The following SORCS1 variants were observed in gnomAD, a reference collection of about 807,000 sequenced individuals.
SORCS1 encodes the protein sortilin related VPS10 domain containing receptor 1, also known as VPS10 domain-containing receptor SorCS1.
In SORCS1, 60 loss-of-function variants were observed where a neutral mutation model predicts 146.1. That is an observed-to-expected ratio of 0.41 (90% CI 0.33 to 0.51). The LOEUF (loss-of-function observed/expected upper bound fraction) is 0.51, where lower values mean the gene tolerates loss of function less well. SORCS1 is among the 20% of genes least tolerant of loss of function. SORCS1 has a pLI of 0.21. For missense variants in SORCS1, 1,352 were observed against 1,487.6 expected (o/e 0.91, Z 1.50); for synonymous variants, 637 against 584.0 (o/e 1.09, Z -1.31).
chr10:106,910,764 C>T (rs1293002265), intron 2 of SORCS1, among the ~76,000 whole-genome samples: 1 of 152,194 alleles, frequency 6.6e-6, no homozygotes, highest in East Asian at 1.9e-4. Context: ...AGGATTCTAC[C>T]TGATCCTGGA....
At chr10:106,599,917 G>A (rs907587599) in intron 23 of SORCS1, among the ~76,000 whole-genome samples, 2 of 151,922 alleles carry the variant, frequency 1.3e-5, no homozygotes, top group Non-Finnish European at 2.9e-5. Context: ...GATTACAGGC[G>A]CCTGCCACCA....
chr10:107,171,631 C>T, the SORCS1 span, among the ~76,000 whole-genome samples: 1 of 149,958 alleles, frequency 6.7e-6, no homozygotes, highest in African/African-American at 2.4e-5. Context: ...GTTCTCCTAC[C>T]TCAGCCTCCC....
intron 17 of SORCS1, among the ~76,000 whole-genome samples, chr10:106,658,181 A>G (rs1457566001): frequency 6.6e-6 from 1 of 152,010 alleles, no homozygotes; most frequent in Admixed American, 6.6e-5. Context: ...ACCTCAATGC[A>G]TTTTTCTAGC....
chr10:106,593,511 T>C (rs1431569115), intron 24 of SORCS1, among the ~76,000 whole-genome samples: 1 of 152,212 alleles, frequency 6.6e-6, no homozygotes, highest in Admixed American at 6.5e-5. Context: ...TTTCCAAAAC[T>C]CAGTTATTCC....
At chr10:106,908,608 C>A (rs1250275820) in intron 2 of SORCS1, among the ~76,000 whole-genome samples, 3 of 152,132 alleles carry the variant, frequency 2.0e-5, no homozygotes, top group Non-Finnish European at 4.4e-5. Flanking sequence ...CCTGCAAGGC[C>A]CAAGCTGGAT....
At chr10:107,110,429 CT>C (rs1344187535) in intron 1 of SORCS1, among the ~76,000 whole-genome samples, 6 of 152,202 alleles carry the variant, frequency 3.9e-5, no homozygotes, top group African/African-American at 1.4e-4. Flanking sequence ...CCTCAGGGAG[CT>C]TTCAATCATG....
rs150701889 is a variant in SORCS1, at chr10:107,004,321, C to A, written c.559-47741G>T. Among the ~76,000 whole-genome samples the A allele has an allele frequency of 6.9e-3, 1,054 of 151,946 alleles. 11 individuals carry two copies. Among genetic ancestry groups the A allele is most frequent in the African/African-American group, 0.023 (949 of 41,410 alleles). On this transcript the variant is annotated intron_variant, in intron 1 of 25. Coordinates refer to ENST00000263054, the MANE Select transcript of SORCS1 (RefSeq NM_052918.5). ...GGTAATTCCTGTATTAGTCTGTTAT[C>A]ACACTGCTAATGAAGACATACCCAA...
At chr10:106,783,037 C>T (rs1471874553) in intron 3 of SORCS1, among the ~76,000 whole-genome samples, 1 of 152,162 alleles carries the variant, frequency 6.6e-6, no homozygotes, top group African/African-American at 2.4e-5. Flanking sequence ...AGTAAGGGGC[C>T]TGGGTTTAAA....
chr10:107,087,949 C>T (rs1590106847), intron 1 of SORCS1, among the ~76,000 whole-genome samples: 1 of 152,184 alleles, frequency 6.6e-6, no homozygotes, highest in East Asian at 1.9e-4. Flanking sequence ...GACGGAGTCT[C>T]GCTCTGTCAC....
intron 1 of SORCS1, among the ~76,000 whole-genome samples, chr10:107,089,205 G>A (rs1048273855): frequency 1.3e-5 from 2 of 151,672 alleles, no homozygotes; most frequent in Non-Finnish European, 2.9e-5. Flanking sequence ...TTGTTTTGCT[G>A]GCGTCTTTGT....
intron 1 of SORCS1, among the ~76,000 whole-genome samples, chr10:107,101,353 T>C (rs1298511032): frequency 6.6e-6 from 1 of 152,218 alleles, no homozygotes; most frequent in Non-Finnish European, 1.5e-5. Context: ...GTCTATTTTT[T>C]CATGTTTTGT....
rs574693412 is a variant in SORCS1, at chr10:106,582,071, T to C, written c.3266-2597A>G. ...AAATAAATGGAAAACTGAGAGAAAA[T>C]TACTTTGTCCAAGCTGTCAGCAACA... is the stretch of plus-strand genomic sequence containing the variant. On this transcript the variant is annotated intron_variant, in intron 24 of 25. Transcript: ENST00000263054. 2.0e-5 allele frequency among the ~76,000 whole-genome samples: 3 copies of C among 151,902 alleles called. No individual in the cohort carries two copies. The East Asian group carries it at 5.8e-4, about 29-fold the overall frequency.
chr10:106,863,814 TAA>T (rs1223246386), intron 2 of SORCS1, among the ~76,000 whole-genome samples: 9 of 136,048 alleles, frequency 6.6e-5, no homozygotes, highest in Admixed American at 3.0e-4. Flanking sequence ...AGATTTTCCT[TAA>T]AAAAAAAAAA....
intron 1 of SORCS1, among the ~76,000 whole-genome samples, chr10:107,161,592 A>G (rs1377942067): frequency 6.6e-6 from 1 of 152,142 alleles, no homozygotes; most frequent in Admixed American, 6.5e-5. Flanking sequence ...AGATGAAAAA[A>G]TCCACATTCA....
At chr10:106,794,464 C>T (rs1251934) in intron 3 of SORCS1, among the ~76,000 whole-genome samples, 16,750 of 151,622 alleles carry the variant, frequency 0.11, 1,121 homozygotes, top group East Asian at 0.36. Flanking sequence ...CTTCCTACAA[C>T]GTCCTATGCT....
At chr10:107,083,110 C>CAAAAAAA (rs538577059) in intron 1 of SORCS1, among the ~76,000 whole-genome samples, 15 of 60,456 alleles carry the variant, frequency 2.5e-4, no homozygotes, top group Non-Finnish European at 3.9e-4. Context: ...CTCCAACTCA[C>CAAAAAAA]AAAAAAAAAA....
chr10:106,863,376 T>C (rs1388160569), intron 2 of SORCS1, among the ~76,000 whole-genome samples: 1 of 151,900 alleles, frequency 6.6e-6, no homozygotes, highest in African/African-American at 2.4e-5. Flanking sequence ...AGTACAAAAA[T>C]TATCTGGGTG....
intron 1 of SORCS1, among the ~76,000 whole-genome samples, chr10:107,019,280 T>C (rs183429020): frequency 6.6e-6 from 1 of 152,318 alleles, no homozygotes; most frequent in East Asian, 1.9e-4. Flanking sequence ...TATTAAATAT[T>C]AGACGATCAT....
At chr10:106,851,614 G>GT (rs1427446000) in intron 2 of SORCS1, among the ~76,000 whole-genome samples, 5 of 152,146 alleles carry the variant, frequency 3.3e-5, no homozygotes, top group African/African-American at 1.2e-4. Context: ...CAAGTTTATT[G>GT]TAAGTCTTGA....
Sources: allele counts gnomAD v4.1 joint callset (sites outside exome capture counted in the v4.1 genomes callset), GRCh38; gene constraint gnomAD v4.1.1; transcripts MANE v1.5; gene names NCBI Gene and HGNC (gene_info 2026-07-23, HGNC 2026-07-21).